The following ZNF688 variants were observed in gnomAD, a reference collection of about 807,000 sequenced individuals.
The protein encoded by ZNF688 is zinc finger protein 688.
A neutral mutation model predicts 13.2 loss-of-function variants in ZNF688; 10 were observed. The ratio of observed to expected loss-of-function variants is 0.76; its 90% CI spans 0.47 to 1.28. The LOEUF (loss-of-function observed/expected upper bound fraction) is 1.28. Ranked by LOEUF, ZNF688 falls within the 50% of genes most tolerant of loss-of-function variation. The probability of loss-of-function intolerance (pLI) is 0.00; values close to 1 mark genes in which losing one functional copy is unlikely to be tolerated. For synonymous variants in ZNF688, 160 were observed against 159.4 expected (o/e 1.00, Z -0.03); for missense variants, 381 against 391.4 (o/e 0.97, Z 0.22).
At chr16:30,577,858 T>C in the ZNF688 span, among the ~76,000 whole-genome samples, 4 of 151,618 alleles carry the variant, frequency 2.6e-5, no homozygotes, top group Non-Finnish European at 4.4e-5. Context: ...TTAGTAGAGA[T>C]GGGGTTTTGC....
At chr16:30,576,324 G>A (rs763506019), upstream of ZNF688, among the ~76,000 whole-genome samples, 65 of 152,324 alleles carry the variant, frequency 4.3e-4, no homozygotes, top group Non-Finnish European at 5.6e-4. Flanking sequence ...CCATTCTCCC[G>A]CCTCAGCCTC....
Position 30,571,512 on chromosome 16 carries a change from A to G in ZNF688, c.118T>C (p.Trp40Arg). Residue 40 changes from tryptophan (W) to arginine (R), a missense_variant, in exon 1 of 3, where the codon TGG becomes CGG. By Grantham distance (101) the Trp-to-Arg change is moderately radical. Coordinates refer to ENST00000223459, the MANE Select transcript of ZNF688 (RefSeq NM_145271.4). ...CTCTGCGCGGGCCGCAGACAGCCCC[A>G]CTCCTCCGGGGAGAAGTACACGGCC... ...DVAVYFSPEE[W>R]GCLRPAQRAL... 6.3e-7 allele frequency: 1 copy of G among 1,589,178 alleles called. No individual in the cohort carries two copies. Among genetic ancestry groups the G allele is most frequent in the South Asian group, 1.1e-5 (1 of 87,314 alleles).
At position 30,570,353 on chromosome 16, in the gene ZNF688, G is replaced by A. The variant is rs1204010924; in HGVS notation, c.394C>T (p.Pro132Ser). The stretch of plus-strand genomic sequence containing the variant: ...GGGTTGCGTTCCACCAGCACTTCAG[G>A]ACTCTCCTTCACAGGAGCCTTTCTA... Reference protein sequence around the residue: ...GPRKAPVKESPEVLVERNPDP... With the variant: ...GPRKAPVKESSEVLVERNPDP... The change falls in exon 3 of 3, where the codon CCT becomes TCT. Residue 132 changes from proline to serine, a missense_variant. Physicochemically the swap from Pro to Ser is moderately conservative, Grantham distance 74 (BLOSUM62 -1). Coordinates refer to ENST00000223459, the MANE Select transcript of ZNF688 (RefSeq NM_145271.4). 4 of 1,614,058 alleles carry A rather than the reference G, an allele frequency of 2.5e-6. No homozygotes were observed. The highest frequency in any genetic ancestry group is 3.4e-6 in the Non-Finnish European group (4 of 1,180,042).
chr16:30,574,542 T>A (rs1234432363), upstream of ZNF688, among the ~76,000 whole-genome samples: 1 of 147,588 alleles, frequency 6.8e-6, no homozygotes, highest in African/African-American at 2.5e-5. Flanking sequence ...CAAGACTCCA[T>A]CTAAAAAAAA....
At chr16:30,573,386 C>T (rs1198418461), upstream of ZNF688, among the ~76,000 whole-genome samples, 1 of 152,082 alleles carries the variant, frequency 6.6e-6, no homozygotes, top group Admixed American at 6.6e-5. Flanking sequence ...TGGGTTGTAT[C>T]TTCCGCTTCC....
In ZNF688 at chr16:30,570,137, T is replaced by C. The variant is rs1056000382; in HGVS notation, c.610A>G (p.Met204Val). The C allele has an allele frequency of 2.5e-6, 4 of 1,611,376 alleles. No homozygotes were observed. Among genetic ancestry groups the C allele is most frequent in the Middle Eastern group, 1.7e-4 (1 of 6,014 alleles). Reference sequence around the variant, plus strand: ...GGGAAAGGCCGCTCCCCCGAGTGCATGCGCCTGTGGCTGACCAGCAGTGAG... The same window carrying C: ...GGGAAAGGCCGCTCCCCCGAGTGCACGCGCCTGTGGCTGACCAGCAGTGAG... ...YPSLLVSHRR[M>V]HSGERPFPCP... is the part of the protein sequence containing the mutation. Residue 204 changes from methionine to valine, a missense_variant, in exon 3 of 3, where the codon ATG becomes GTG. Met to Val is a conservative substitution (Grantham distance 21, BLOSUM62 1). Transcript: ENST00000223459.
At chr16:30,573,620 C>T (rs1190534430), upstream of ZNF688, 4 of 160,350 alleles carry the variant, frequency 2.5e-5, no homozygotes, top group Admixed American at 2.6e-4. Flanking sequence ...TGCTTGGCTC[C>T]CCTGCCAGCC....
upstream of ZNF688, among the ~76,000 whole-genome samples, chr16:30,577,381 C>CT (rs768098748): frequency 0.014 from 1,905 of 136,342 alleles, 17 homozygotes; most frequent in African/African-American, 0.025. Context: ...TTGAAAGAAA[C>CT]TTTTTTTTTT....
At position 30,571,544 on chromosome 16, in the gene ZNF688, G is replaced by T; in HGVS notation, c.86C>A (p.Ala29Glu). 6.3e-7 allele frequency: 1 copy of T among 1,584,068 alleles called. No individual in the cohort carries two copies. Among genetic ancestry groups the T allele is most frequent in the Non-Finnish European group, 8.6e-7 (1 of 1,166,040 alleles). The change falls in exon 1 of 3, where the codon GCG becomes GAG. Residue 29 changes from alanine (A) to glutamate (E), a missense_variant. Transcript: ENST00000223459. ...GCRKPGTVSF[A>E]DVAVYFSPEE... ...CGGGGAGAAGTACACGGCCACGTCC[G>T]CGAAGCTCACAGTCCCGGGCTTCCT...
chr16:30,570,791 C>A (rs2051664305), intron 2 of ZNF688: 1 of 441,116 alleles, frequency 2.3e-6, no homozygotes, highest in African/African-American at 2.0e-5. Flanking sequence ...CTCACTCTGT[C>A]ACCCAGGCTG....
At chr16:30,570,907 G>T in intron 2 of ZNF688, 103 bp downstream of exon 2, 2 of 1,250,368 alleles carry the variant, frequency 1.6e-6, no homozygotes, top group South Asian at 1.3e-5. Context: ...ACCCAACACA[G>T]TTGAATTTCT....
chr16:30,572,283 G>A (rs775247214), upstream of ZNF688: 9 of 1,507,798 alleles, frequency 6.0e-6, no homozygotes, highest in East Asian at 1.3e-4. Context: ...CATCTGCGGT[G>A]CTCGGGATTG....
upstream of ZNF688, chr16:30,571,869 T>A (rs939472929): frequency 1.6e-6 from 2 of 1,281,840 alleles, no homozygotes; most frequent in African/African-American, 3.1e-5. Flanking sequence ...GACACCCGGG[T>A]TAAGGGACCC....
At chr16:30,576,266 C>G (rs900227031), upstream of ZNF688, among the ~76,000 whole-genome samples, 1 of 152,224 alleles carries the variant, frequency 6.6e-6, no homozygotes, top group South Asian at 2.1e-4. Context: ...GGCTGGAGTG[C>G]AGTGGCGCGA....
intron 2 of ZNF688, 73 bp downstream of exon 2, chr16:30,570,937 G>A (rs758422450): frequency 1.4e-6 from 2 of 1,467,270 alleles, no homozygotes; most frequent in Non-Finnish European, 1.9e-6. Context: ...CTGGAAGTGG[G>A]GGCCTGAAAA....
chr16:30,571,503 GACAGCCCC>G lies in ZNF688; in HGVS notation c.119_126del (p.Trp40SerfsTer41). The G allele has an allele frequency of 6.3e-7, 1 of 1,590,560 alleles. No homozygotes were observed. The highest frequency in any genetic ancestry group is 1.3e-5 in the African/African-American group (1 of 74,518). Reference sequence around the variant, plus strand: ...TACAGAGCCCTCTGCGCGGGCCGCAGACAGCCCCACTCCTCCGGGGAGAAGTACACGGC... The same window carrying G: ...TACAGAGCCCTCTGCGCGGGCCGCAGACTCCTCCGGGGAGAAGTACACGGC... On this transcript the variant is annotated frameshift_variant, in exon 1 of 3. Coordinates refer to ENST00000223459, the MANE Select transcript of ZNF688 (RefSeq NM_145271.4). LOFTEE classifies it high-confidence loss of function.
In ZNF688 at chr16:30,570,445, C is replaced by T. The variant is rs2051657249; in HGVS notation, c.311-9G>A. 6.2e-7 allele frequency: 1 copy of T among 1,604,846 alleles called. No individual in the cohort carries two copies. The highest frequency in any genetic ancestry group is 8.5e-7 in the Non-Finnish European group (1 of 1,176,528). ...CCTGTTTGGGACATCTCCTGGGAAA[C>T]CGGAATTAAGTTACACTTACAAACA... On this transcript the variant is annotated splice_polypyrimidine_tract_variant and intron_variant, in intron 2 of 2. Coordinates refer to ENST00000223459, the MANE Select transcript of ZNF688 (RefSeq NM_145271.4).
chr16:30,574,362 A>G (rs1468608056), upstream of ZNF688, among the ~76,000 whole-genome samples: 1 of 152,046 alleles, frequency 6.6e-6, no homozygotes, highest in Non-Finnish European at 1.5e-5. Context: ...CCTGGCCAAC[A>G]TGGCAAAACC....
Position 30,570,342 on chromosome 16 carries a change from C to T in ZNF688, c.405G>A (p.Leu135=), listed in dbSNP as rs2051654793. Residue 135 remains leucine, a synonymous_variant, in exon 3 of 3, where the codon CTG becomes CTA. Transcript: ENST00000223459. ...TAGCTGGGTCAGGGTTGCGTTCCAC[C>T]AGCACTTCAGGACTCTCCTTCACAG... The part of the protein sequence containing the change: ...KAPVKESPEV[L]VERNPDPAIS... 4 of 1,613,958 alleles carry T rather than the reference C, an allele frequency of 2.5e-6. No homozygotes were observed. The highest frequency in any genetic ancestry group is 3.4e-6 in the Non-Finnish European group (4 of 1,180,038).
Sources: allele counts gnomAD v4.1 joint callset (sites outside exome capture counted in the v4.1 genomes callset), GRCh38; gene constraint gnomAD v4.1.1; transcripts MANE v1.5; gene names NCBI Gene and HGNC (gene_info 2026-07-23, HGNC 2026-07-21).